The following EPB41L2 variants were observed in gnomAD, a reference collection of about 807,000 sequenced individuals.
EPB41L2 encodes band 4.1-like protein 2.
A neutral mutation model predicts 113.0 loss-of-function variants in EPB41L2; 43 were observed. That is an observed-to-expected ratio of 0.38 (90% CI 0.30 to 0.49). EPB41L2 has a LOEUF of 0.49. EPB41L2 is among the 20% of genes least tolerant of loss of function. The probability of loss-of-function intolerance (pLI) is 0.95; values close to 1 mark genes in which losing one functional copy is unlikely to be tolerated. For missense variants in EPB41L2, 1,147 were observed against 1,223.4 expected, an observed-to-expected ratio of 0.94 and a Z score of 0.93; for synonymous variants, 442 against 436.7, an observed-to-expected ratio of 1.01 and a Z score of -0.15.
chr6:130,969,864 T>C (rs1776323957), intron 1 of EPB41L2, among the ~76,000 whole-genome samples: 1 of 152,142 alleles, frequency 6.6e-6, no homozygotes, highest in African/African-American at 2.4e-5. Context: ...TACAGTATTA[T>C]GTCATACCAC....
intron 14 of EPB41L2, among the ~76,000 whole-genome samples, chr6:130,877,899 T>C (rs1788065482): frequency 6.6e-6 from 1 of 152,160 alleles, no homozygotes; most frequent in African/African-American, 2.4e-5. Context: ...CAAAAGTATT[T>C]TGAAACTCAT....
At chr6:130,993,876 C>T (rs1346311644) in intron 1 of EPB41L2, among the ~76,000 whole-genome samples, 1 of 152,158 alleles carries the variant, frequency 6.6e-6, no homozygotes, top group Non-Finnish European at 1.5e-5. Context: ...CAGGGTTACC[C>T]TTGGCTCGGA....
rs556934803 is a variant in EPB41L2, at chr6:130,891,304, C to T, written c.1488-838G>A. ...TTCAAGTATTTCTAGACTTTCTGTA[C>T]AATTTTTTTAGAAATCATCTTCTGC... On this transcript the variant is annotated intron_variant, in intron 10 of 19. Coordinates refer to ENST00000337057, the MANE Select transcript of EPB41L2 (RefSeq NM_001431.4). Among the ~76,000 whole-genome samples, 8 of 151,666 alleles carry T rather than the reference C, an allele frequency of 5.3e-5. No individual in the cohort carries two copies. The South Asian group carries it at 1.5e-3, about 28-fold the overall frequency.
At chr6:130,841,043 G>A (rs887723159) in intron 19 of EPB41L2, among the ~76,000 whole-genome samples, 9 of 152,068 alleles carry the variant, frequency 5.9e-5, no homozygotes, top group Non-Finnish European at 1.3e-4. Context: ...GAAGTACACA[G>A]TATTATGACA....
intron 1 of EPB41L2, among the ~76,000 whole-genome samples, chr6:130,998,241 G>A (rs1166359517): frequency 1.3e-5 from 2 of 152,116 alleles, no homozygotes; most frequent in South Asian, 2.1e-4. Context: ...TTCTTTCCAA[G>A]ATCTTTTGAA....
rs9483204 is a variant in EPB41L2, at chr6:130,997,247, C to T, written c.-14-40748G>A. 7.6e-3 allele frequency among the ~76,000 whole-genome samples: 1,152 copies of T among 152,234 alleles called. 10 individuals are homozygous for T. Among genetic ancestry groups the T allele is most frequent in the African/African-American group, 0.024 (1,008 of 41,528 alleles). Reference sequence around the variant, plus strand: ...GAGATTTTTCCCTCAGTTCTTCATACAAGGATTAAAGCCACTTAGCAAATT... The same window carrying T: ...GAGATTTTTCCCTCAGTTCTTCATATAAGGATTAAAGCCACTTAGCAAATT... On this transcript the variant is annotated intron_variant, in intron 1 of 19. Transcript: ENST00000337057.
chr6:130,940,597 C>T (rs1810482860), intron 3 of EPB41L2, among the ~76,000 whole-genome samples: 1 of 151,872 alleles, frequency 6.6e-6, no homozygotes, highest in South Asian at 2.1e-4. Context: ...TCCCAAGTAG[C>T]TGAGACTACA....
At chr6:130,911,689 T>G (rs1799448990) in intron 4 of EPB41L2, among the ~76,000 whole-genome samples, 1 of 152,146 alleles carries the variant, frequency 6.6e-6, no homozygotes. Context: ...CCCAAGGACA[T>G]TAAATTTTTG....
intron 19 of EPB41L2, among the ~76,000 whole-genome samples, chr6:130,855,192 A>T (rs1325653440): frequency 1.3e-5 from 2 of 151,834 alleles, no homozygotes; most frequent in Non-Finnish European, 2.9e-5. Context: ...CTACTAAAAA[A>T]TACAAAAATT....
At chr6:130,896,805 C>T (rs1037557442) in intron 8 of EPB41L2, among the ~76,000 whole-genome samples, 10 of 152,122 alleles carry the variant, frequency 6.6e-5, no homozygotes, top group African/African-American at 1.9e-4. Context: ...CTCTGCATTG[C>T]TCACTGCTCC....
chr6:130,941,106 G>A (rs1429380282), intron 3 of EPB41L2, among the ~76,000 whole-genome samples: 1 of 152,018 alleles, frequency 6.6e-6, no homozygotes, highest in Non-Finnish European at 1.5e-5. Context: ...GAACACATAG[G>A]ATATATTTAA....
At chr6:130,967,756 A>C (rs185347806) in intron 1 of EPB41L2, among the ~76,000 whole-genome samples, 1 of 152,196 alleles carries the variant, frequency 6.6e-6, no homozygotes, top group African/African-American at 2.4e-5. Flanking sequence ...ATTCATATGA[A>C]GAGGGTAAAG....
At chr6:130,955,887 G>T in intron 2 of EPB41L2, 107 bp downstream of exon 2, 1 of 1,501,174 alleles carries the variant, frequency 6.7e-7, no homozygotes, top group Non-Finnish European at 8.9e-7. Context: ...AGCTAAAGCA[G>T]TATCTCAGTA....
intron 1 of EPB41L2, among the ~76,000 whole-genome samples, chr6:131,003,514 G>T (rs1436144891): frequency 2.0e-5 from 3 of 152,150 alleles, no homozygotes; most frequent in African/African-American, 4.8e-5. Flanking sequence ...CAATTAGGGG[G>T]AAAAGAGAAA....
chr6:130,854,128 A>C (rs1176320862), intron 19 of EPB41L2, among the ~76,000 whole-genome samples: 1 of 152,200 alleles, frequency 6.6e-6, no homozygotes, highest in Admixed American at 6.5e-5. Flanking sequence ...TGATAGTTCA[A>C]GTCTCCTATT....
chr6:131,038,859 A>G lies in EPB41L2; in HGVS notation c.-15+24296T>C, dbSNP rs928854779. Among the ~76,000 whole-genome samples, 5 of 152,248 alleles carry G rather than the reference A, an allele frequency of 3.3e-5. No homozygotes were observed. In the East Asian group the frequency reaches 5.8e-4, roughly 18 times the overall value. ...AGTCATGATAGTGACTACTGGGAGC[A>G]TAAGGATAAAACTGAGCCACATTTA... On this transcript the variant is annotated intron_variant, in intron 1 of 19. Transcript: ENST00000337057.
chr6:130,840,975 G>A (rs949027982), intron 19 of EPB41L2, among the ~76,000 whole-genome samples: 1 of 152,120 alleles, frequency 6.6e-6, no homozygotes, highest in Admixed American at 6.6e-5. Flanking sequence ...GTGCTAAAAC[G>A]AATGGAAATG....
Position 130,878,113 on chromosome 6 carries a change from C to A in EPB41L2, c.2034G>T (p.Gln678His), listed in dbSNP as rs200548561. The change falls in exon 14 of 20, where the codon CAG (glutamine) becomes CAT (histidine). Residue 678 changes from glutamine to histidine, a missense_variant. Physicochemically the swap from Gln to His is conservative, Grantham distance 24. Coordinates refer to ENST00000337057, the MANE Select transcript of EPB41L2 (RefSeq NM_001431.4). Reference sequence around the variant, plus strand: ...ATAGCTAATGACATACCCCTTGTGTCTGTAGGGACAGAGGTGTGATACGTC... The same window carrying A: ...ATAGCTAATGACATACCCCTTGTGTATGTAGGGACAGAGGTGTGATACGTC... Reference protein sequence around the residue: ...EKRRITPLSLQTQGSSHETLN... With the variant: ...EKRRITPLSLHTQGSSHETLN... 43 of 1,609,908 alleles carry A rather than the reference C, an allele frequency of 2.7e-5. No individual in the cohort carries two copies. The highest frequency in any genetic ancestry group is 3.5e-5 in the Non-Finnish European group (41 of 1,178,682).
intron 10 of EPB41L2, among the ~76,000 whole-genome samples, chr6:130,891,918 A>G (rs1793013192): frequency 6.6e-6 from 1 of 152,150 alleles, no homozygotes; most frequent in Non-Finnish European, 1.5e-5. Context: ...AATTCCACTG[A>G]CCTGATTCAA....
Sources: gnomAD v4.1 joint callset for allele counts (sites outside exome capture counted in the v4.1 genomes callset) on GRCh38, gnomAD v4.1.1 for gene constraint, MANE v1.5 for transcripts, NCBI Gene and HGNC (gene_info 2026-07-23, HGNC 2026-07-21) for gene names.